LRP1B: variants seen among roughly 807,000 people sequenced by gnomAD.
LRP1B encodes LDL receptor related protein 1B, also known as low-density lipoprotein receptor-related protein 1B.
A neutral mutation model predicts 556.6 loss-of-function variants in LRP1B; 217 were observed. The observed-to-expected ratio is 0.39, with a 90% CI of 0.35 to 0.44. LRP1B has a LOEUF of 0.44. Ranked by LOEUF, LRP1B falls within the 20% of genes least tolerant of loss-of-function variation. The pLI, the probability that LRP1B is intolerant of heterozygous loss-of-function variation, is 1.00. For synonymous variants in LRP1B, 2,047 were observed against 1,865.8 expected (o/e 1.10, Z -2.50); for missense variants, 5,053 against 5,620.8 (o/e 0.90, Z 3.23).
intron 74 of LRP1B, among the ~76,000 whole-genome samples, chr2:140,357,243 T>C (rs1279243232): frequency 6.6e-6 from 1 of 151,680 alleles, no homozygotes; most frequent in Non-Finnish European, 1.5e-5. Context: ...ATTATCGTTG[T>C]AACCCCACTG....
chr2:140,348,512 T>G (rs956315495), intron 77 of LRP1B, among the ~76,000 whole-genome samples: 1 of 152,072 alleles, frequency 6.6e-6, no homozygotes, highest in Non-Finnish European at 1.5e-5. Flanking sequence ...TTCTTCTTTG[T>G]GAGTGCTATT....
chr2:140,846,059 GA>G (rs1692264921), intron 29 of LRP1B, among the ~76,000 whole-genome samples: 1 of 151,896 alleles, frequency 6.6e-6, no homozygotes, highest in African/African-American at 2.4e-5. Context: ...TTATAATGAG[GA>G]AAAAGCAAAG....
intron 41 of LRP1B, among the ~76,000 whole-genome samples, chr2:140,660,818 G>A (rs1685064225): frequency 6.6e-6 from 1 of 150,466 alleles, no homozygotes; most frequent in Non-Finnish European, 1.5e-5. Flanking sequence ...AATTTTACCT[G>A]CTGTCTTTCC....
chr2:140,835,403 T>C (rs551068771), intron 31 of LRP1B, among the ~76,000 whole-genome samples: 2 of 152,336 alleles, frequency 1.3e-5, no homozygotes, highest in South Asian at 2.1e-4. Flanking sequence ...AGGCTTCACC[T>C]GCATAAAGAC....
chr2:140,938,967 G>C (rs1695314131), intron 20 of LRP1B, among the ~76,000 whole-genome samples: 1 of 151,980 alleles, frequency 6.6e-6, no homozygotes, highest in African/African-American at 2.4e-5. Context: ...ATTGAATCCT[G>C]ACTGAAATTT....
chr2:140,874,871 T>A (rs1441593199), intron 25 of LRP1B, among the ~76,000 whole-genome samples: 3 of 151,536 alleles, frequency 2.0e-5, no homozygotes, highest in Non-Finnish European at 2.9e-5. Flanking sequence ...ATAAAAAAAA[T>A]AGCGGGGCGT....
Position 140,906,274 on chromosome 2 carries a change from T to A in LRP1B, c.3520+1603A>T, listed in dbSNP as rs117969433. ...CAAAGCTCTTTAAGTAATGACCATA[T>A]GGCTAGATAAGAAGTGCTTTTCAAT... On this transcript the variant is annotated intron_variant, in intron 22 of 90. Transcript: ENST00000389484. 2.2e-3 allele frequency among the ~76,000 whole-genome samples: 339 copies of A among 152,282 alleles called. 8 individuals are homozygous for A. The East Asian group carries it at 0.033, about 15-fold the overall frequency.
intron 1 of LRP1B, among the ~76,000 whole-genome samples, chr2:141,922,329 C>T (rs1700210661): frequency 6.6e-6 from 1 of 152,144 alleles, no homozygotes; most frequent in Non-Finnish European, 1.5e-5. Flanking sequence ...TCATCTCATC[C>T]CCTATGTGCA....
At chr2:140,834,809 A>G (rs760623573) in intron 31 of LRP1B, among the ~76,000 whole-genome samples, 1 of 152,192 alleles carries the variant, frequency 6.6e-6, no homozygotes, top group African/African-American at 2.4e-5. Flanking sequence ...TTTAACTCAT[A>G]CTGTTAAAAT....
intron 2 of LRP1B, among the ~76,000 whole-genome samples, chr2:141,485,762 G>A (rs983832080): frequency 3.9e-5 from 6 of 152,262 alleles, no homozygotes; most frequent in Admixed American, 2.6e-4. Context: ...TGAGAAGCAT[G>A]GGATAATGGG....
intron 35 of LRP1B, among the ~76,000 whole-genome samples, chr2:140,722,562 T>C (rs448816): frequency 0.82 from 125,278 of 152,066 alleles, 51,756 homozygotes; most frequent in East Asian, 0.93. Flanking sequence ...GAATATTCTC[T>C]TATTTTCAGA....
chr2:140,862,048 A>G (rs943656728), intron 27 of LRP1B, among the ~76,000 whole-genome samples: 1 of 152,056 alleles, frequency 6.6e-6, no homozygotes, highest in Admixed American at 6.6e-5. Context: ...TCTTATCTAC[A>G]TTTTGCCTTC....
intron 4 of LRP1B, among the ~76,000 whole-genome samples, chr2:141,253,199 G>C (rs1684330592): frequency 6.6e-6 from 1 of 152,094 alleles, no homozygotes; most frequent in East Asian, 1.9e-4. Context: ...ATCCATGTCT[G>C]GCACCATTTT....
intron 1 of LRP1B, among the ~76,000 whole-genome samples, chr2:141,860,517 T>C (rs1049384196): frequency 2.0e-5 from 3 of 152,170 alleles, no homozygotes; most frequent in Admixed American, 1.3e-4. Flanking sequence ...ATTATCTGTA[T>C]TTTGAACCTC....
intron 79 of LRP1B, among the ~76,000 whole-genome samples, chr2:140,328,079 A>G (rs1558805124): frequency 2.0e-5 from 3 of 152,044 alleles, no homozygotes; most frequent in Non-Finnish European, 4.4e-5. Flanking sequence ...GTCTATCTTT[A>G]AAATATCATG....
chr2:141,949,634 C>T (rs945298725), intron 1 of LRP1B, among the ~76,000 whole-genome samples: 6 of 152,146 alleles, frequency 3.9e-5, no homozygotes, highest in Admixed American at 1.3e-4. Flanking sequence ...GTGACCCACC[C>T]GCCTTGGCCT....
At chr2:140,909,735 A>C (rs1694361130) in intron 21 of LRP1B, among the ~76,000 whole-genome samples, 1 of 151,088 alleles carries the variant, frequency 6.6e-6, no homozygotes, top group Non-Finnish European at 1.5e-5. Flanking sequence ...ATATAATTAT[A>C]AAATCAATTA....
At chr2:141,858,072 C>T (rs1698119326) in intron 1 of LRP1B, among the ~76,000 whole-genome samples, 1 of 152,056 alleles carries the variant, frequency 6.6e-6, no homozygotes, top group Non-Finnish European at 1.5e-5. Context: ...CTAATTCAAA[C>T]CCTCCAATTT....
chr2:142,086,697 C>T (rs1328310693), intron 1 of LRP1B, among the ~76,000 whole-genome samples: 3 of 151,334 alleles, frequency 2.0e-5, no homozygotes, highest in African/African-American at 4.9e-5. Flanking sequence ...AGTGAAAATA[C>T]GAGGCTCTCC....
Sources: gnomAD v4.1 joint callset for allele counts (sites outside exome capture counted in the v4.1 genomes callset) on GRCh38, gnomAD v4.1.1 for gene constraint, MANE v1.5 for transcripts, NCBI Gene and HGNC (gene_info 2026-07-23, HGNC 2026-07-21) for gene names.